Variants in TIAM2 observed in about 807,000 individuals in gnomAD.
The protein encoded by TIAM2 is TIAM Rac1 associated GEF 2.
In TIAM2, 80 loss-of-function variants were observed where a neutral mutation model predicts 152.9. The observed-to-expected ratio is 0.52, with a 90% CI of 0.44 to 0.63. The LOEUF (loss-of-function observed/expected upper bound fraction) is 0.63, where lower values mean the gene tolerates loss of function less well. Among genes scored for constraint, TIAM2 ranks in the 30% least tolerant of loss-of-function variants. TIAM2 has a pLI of 0.00. For missense variants in TIAM2, 1,965 were observed against 2,120.1 expected, an observed-to-expected ratio of 0.93 and a Z score of 1.44; for synonymous variants, 804 against 838.0, an observed-to-expected ratio of 0.96 and a Z score of 0.70.
chr6:155,165,752 TACTC>T (rs1318635774), intron 9 of TIAM2, among the ~76,000 whole-genome samples: 3 of 152,072 alleles, frequency 2.0e-5, no homozygotes. Flanking sequence ...TTTGCCACTG[TACTC>T]CAGCCTGAGT....
chr6:155,017,878 T>C (rs1778625142), intron 1 of TIAM2, among the ~76,000 whole-genome samples: 2 of 152,098 alleles, frequency 1.3e-5, no homozygotes, highest in South Asian at 4.1e-4. Context: ...GAAAGACCCA[T>C]GTCTCCAGAT....
chr6:155,133,274 G>A (rs1053284767), intron 4 of TIAM2, among the ~76,000 whole-genome samples: 8 of 152,178 alleles, frequency 5.3e-5, no homozygotes, highest in Non-Finnish European at 2.9e-5. Context: ...TTGAACCTGG[G>A]AGGTGGAGGT....
chr6:155,091,924 G>A (rs908029016), intron 2 of TIAM2, among the ~76,000 whole-genome samples: 2 of 152,144 alleles, frequency 1.3e-5, no homozygotes, highest in African/African-American at 2.4e-5. Context: ...TTGAGACAGC[G>A]ACGCGCTCTG....
intron 1 of TIAM2, among the ~76,000 whole-genome samples, chr6:155,060,396 C>A (rs140067745): frequency 8.6e-5 from 13 of 151,922 alleles, no homozygotes; most frequent in African/African-American, 3.1e-4. Flanking sequence ...GAGCGAAACT[C>A]CGTCTCAAAA....
At chr6:155,135,916 C>T (rs898499115) in intron 4 of TIAM2, among the ~76,000 whole-genome samples, 4 of 151,870 alleles carry the variant, frequency 2.6e-5, no homozygotes, top group Non-Finnish European at 5.9e-5. Context: ...AAAAACTGGC[C>T]GGGCGCGGTG....
chr6:155,128,397 A>G (rs9480063), intron 3 of TIAM2, among the ~76,000 whole-genome samples: 44,664 of 151,938 alleles, frequency 0.29, 7,970 homozygotes, highest in Admixed American at 0.41. Context: ...ACCTGGTGTC[A>G]TGTTATAAAA....
At chr6:155,020,912 G>A (rs999550968) in intron 1 of TIAM2, among the ~76,000 whole-genome samples, 1 of 151,914 alleles carries the variant, frequency 6.6e-6, no homozygotes, top group East Asian at 1.9e-4. Flanking sequence ...CCTCCACCCT[G>A]GCAACCACCT....
At chr6:155,082,160 A>C (rs922273622) in intron 1 of TIAM2, among the ~76,000 whole-genome samples, 11 of 152,094 alleles carry the variant, frequency 7.2e-5, no homozygotes, top group Non-Finnish European at 1.3e-4. Context: ...CCTGGGTGAC[A>C]CAGTGAGACC....
chr6:155,073,126 C>G (rs1430485744), intron 1 of TIAM2, among the ~76,000 whole-genome samples: 2 of 147,864 alleles, frequency 1.4e-5, no homozygotes, highest in Non-Finnish European at 3.0e-5. Context: ...TTTGCTGTGC[C>G]TGGTGCTTTT....
intron 15 of TIAM2, among the ~76,000 whole-genome samples, chr6:155,238,860 C>G (rs1782895911): frequency 6.6e-6 from 1 of 152,204 alleles, no homozygotes; most frequent in African/African-American, 2.4e-5. Flanking sequence ...AGCAGGCCCT[C>G]AATTGATGAC....
chr6:155,088,861 C>A (rs1416266836), intron 1 of TIAM2, among the ~76,000 whole-genome samples: 1 of 152,032 alleles, frequency 6.6e-6, no homozygotes, highest in Non-Finnish European at 1.5e-5. Flanking sequence ...TTAGATGGCA[C>A]CCAGGACAGT....
At chr6:155,023,403 T>C (rs1359164406) in intron 1 of TIAM2, among the ~76,000 whole-genome samples, 1 of 152,242 alleles carries the variant, frequency 6.6e-6, no homozygotes, top group Non-Finnish European at 1.5e-5. Context: ...TGCAGTTTAA[T>C]AACAGAGTTT....
At chr6:155,066,336 CATTTTGT>C (rs1777693714) in intron 1 of TIAM2, among the ~76,000 whole-genome samples, 1 of 152,204 alleles carries the variant, frequency 6.6e-6, no homozygotes, top group Non-Finnish European at 1.5e-5. Context: ...TGTGTATTTA[CATTTTGT>C]TTCCTTGTTC....
In TIAM2 at chr6:155,257,003, CTGAAAATGCCACCATCGACCTAA is replaced by C. The variant is rs1292120391; in HGVS notation, c.4989_5011del (p.Glu1664PhefsTer18). ...CGTCACCAGTCCCTTGACAGTCAGT[CTGAAAATGCCACCATCGACCTAA>C]ATTCTGTTCTAGAGCGAGAATTCAG... On this transcript the variant is annotated frameshift_variant, in exon 27 of 27. Coordinates refer to ENST00000682666, the MANE Select transcript of TIAM2 (RefSeq NM_012454.4). LOFTEE classifies it high-confidence loss of function. 2.5e-6 allele frequency: 4 copies of C among 1,614,060 alleles called. No homozygotes were observed. Among genetic ancestry groups the C allele is most frequent in the Non-Finnish European group, 3.4e-6 (4 of 1,180,052 alleles).
intron 1 of TIAM2, chr6:155,022,231 C>T (rs1183878041): frequency 6.6e-6 from 1 of 152,148 alleles, no homozygotes; most frequent in Admixed American, 6.5e-5. Flanking sequence ...GAGCTCTGTA[C>T]CAACAGCTGT....
chr6:155,071,189 G>A (rs1028018992), intron 1 of TIAM2, among the ~76,000 whole-genome samples: 5 of 46,306 alleles, frequency 1.1e-4, no homozygotes, highest in African/African-American at 2.8e-4. Flanking sequence ...AAGAAAAAAA[G>A]ACACATATTT....
chr6:155,060,333 CAG>C, intron 1 of TIAM2, among the ~76,000 whole-genome samples: 1 of 152,116 alleles, frequency 6.6e-6, no homozygotes, highest in South Asian at 2.1e-4. Context: ...ATCTGGGAGG[CAG>C]AGTTTGCGGT....
At chr6:155,049,496 A>T (rs1189703713) in intron 1 of TIAM2, among the ~76,000 whole-genome samples, 1 of 152,144 alleles carries the variant, frequency 6.6e-6, no homozygotes, top group African/African-American at 2.4e-5. Flanking sequence ...ATGGGTCATT[A>T]GTGCTGTAGT....
At chr6:155,044,530 C>G (rs1391988626) in intron 1 of TIAM2, among the ~76,000 whole-genome samples, 4 of 152,156 alleles carry the variant, frequency 2.6e-5, no homozygotes, top group Non-Finnish European at 5.9e-5. Flanking sequence ...TGAAACTCAT[C>G]TTGTGGCCAG....
Sources: gnomAD v4.1 joint callset for allele counts (sites outside exome capture counted in the v4.1 genomes callset) on GRCh38, gnomAD v4.1.1 for gene constraint, MANE v1.5 for transcripts, NCBI Gene and HGNC (gene_info 2026-07-23, HGNC 2026-07-21) for gene names.